Variants in NBPF26 observed in about 807,000 individuals in gnomAD.
NBPF26 encodes NBPF member 26, also known as NBPF family member NBPF26.
A neutral mutation model predicts 119.6 loss-of-function variants in NBPF26; 79 were observed. The ratio of observed to expected loss-of-function variants is 0.66; its 90% CI spans 0.55 to 0.80. NBPF26 has a LOEUF of 0.80. Among genes scored for constraint, NBPF26 ranks in the 30% least tolerant of loss-of-function variants. NBPF26 has a pLI of 0.00. For missense variants in NBPF26, 800 were observed against 1,198.2 expected (o/e 0.67, Z 4.91); for synonymous variants, 299 against 457.7 (o/e 0.65, Z 4.43).
In NBPF26 at chr1:120,805,606, G is replaced by A. The variant is rs1553269709; in HGVS notation, c.802G>A (p.Gly268Ser). 3.9e-5 allele frequency: 57 copies of A among 1,461,736 alleles called. 12 individuals are homozygous for A. The highest frequency in any genetic ancestry group is 3.8e-4 in the Admixed American group (21 of 54,778). The allele number at this position is 1,461,736 out of a possible 1,614,324, so 90.5% of individuals were successfully genotyped here. A position where few individuals can be genotyped will look rare whatever the true frequency, so the allele number is the denominator to read the frequency against. ...AAACGTCAGCATGGTGGTATCAGCC[G>A]GCCATTGGTCCAGTGAGAAGGCAGA... The change falls in exon 5 of 30, where the codon GGC (glycine) becomes AGC (serine). Residue 268 changes from glycine (G) to serine (S), a missense_variant. Transcript: ENST00000620612.
At chr1:120,809,967 G>T (rs1344113331) in intron 8 of NBPF26, 84 bp downstream of exon 8, 1 of 1,483,872 alleles carries the variant, frequency 6.7e-7, no homozygotes, top group East Asian at 2.2e-5. Context: ...CATCTATGGT[G>T]GGCCAAAAGC....
At position 120,825,276 on chromosome 1, in the gene NBPF26, C is replaced by A. The variant is rs1183892846; in HGVS notation, c.2812+1130C>A. ...ACCCCTTCATCTGTGTGTCACCCGGCCAATTCACTGAGCTCACTTTCTCCT... is the reference window on the plus strand; with the variant it reads ...ACCCCTTCATCTGTGTGTCACCCGGACAATTCACTGAGCTCACTTTCTCCT... On this transcript the variant is annotated intron_variant, in intron 18 of 29. Coordinates refer to ENST00000620612, the Ensembl canonical transcript of NBPF26. 8.2e-5 allele frequency among the ~76,000 whole-genome samples: 10 copies of A among 122,404 alleles called. No individual in the cohort carries two copies. The East Asian group carries it at 1.7e-3, about 20-fold the overall frequency. The allele number at this position is 122,404 out of a possible 152,430, so 80.3% of individuals were successfully genotyped here.
exon 18 of NBPF26, chr1:120,823,995 T>G (rs1471315858): frequency 1.2e-6 from 1 of 855,866 alleles, no homozygotes; most frequent in Non-Finnish European, 1.7e-6. Flanking sequence ...AGCTGCTGGA[T>G]GAGAAAGGGC....
rs1297427835 is a variant in NBPF26 at position 120,811,307 on chromosome 1, A to T, written c.1565-579A>T. On this transcript the variant is annotated intron_variant, in intron 9 of 29. Coordinates refer to ENST00000620612, the Ensembl canonical transcript of NBPF26. ...CACATCTTAATCCCAACACTTTGGG[A>T]GGCCGAGGTGGGCGGAACACCTGAG... Among the ~76,000 whole-genome samples the T allele has an allele frequency of 1.2e-4, 13 of 109,756 alleles. 4 individuals are homozygous for T. The East Asian group carries it at 2.8e-3, about 23-fold the overall frequency. The allele number at this position is 109,756 out of a possible 152,430, so 72.0% of individuals were successfully genotyped here.
At position 120,755,965 on chromosome 1, in the gene NBPF26, C is replaced by T. The variant is rs1424214588; in HGVS notation, c.74-7663C>T. On this transcript the variant is annotated intron_variant, in intron 1 of 29. Coordinates refer to ENST00000620612, the Ensembl canonical transcript of NBPF26. The stretch of plus-strand genomic sequence containing the variant: ...TTTTTTTTTTTTTTTTCCTTTCAAT[C>T]AAGACAAATTTCAAGGAGGAAGACA... 1.5e-4 allele frequency among the ~76,000 whole-genome samples: 15 copies of T among 102,162 alleles called. 3 individuals carry two copies. Among genetic ancestry groups the T allele is most frequent in the Non-Finnish European group, 2.5e-4 (14 of 55,674 alleles). 67.0% of individuals were successfully genotyped at this position (102,162 alleles called of 152,430 possible). A position where few individuals can be genotyped will look rare whatever the true frequency, so the allele number is the denominator to read the frequency against.
Position 120,805,808 on chromosome 1 carries a change from TC to T in NBPF26, c.961+45del, listed in dbSNP as rs1225097395. 3 of 1,265,838 alleles carry T rather than the reference TC, an allele frequency of 2.4e-6. 1 individual carries two copies. Among genetic ancestry groups the T allele is most frequent in the Admixed American group, 3.8e-5 (2 of 52,832 alleles). The allele number at this position is 1,265,838 out of a possible 1,614,324, so 78.4% of individuals were successfully genotyped here. A position where few individuals can be genotyped will look rare whatever the true frequency, so the allele number is the denominator to read the frequency against. The stretch of plus-strand genomic sequence containing the variant: ...ACCATCATGAAAGTGATGAATGATA[TC>T]CTGTCTTCTCTCTGAGACACTAAAT... On this transcript the variant is annotated intron_variant, in intron 5 of 29. Coordinates refer to ENST00000620612, the Ensembl canonical transcript of NBPF26.
intron 27 of NBPF26, among the ~76,000 whole-genome samples, chr1:120,838,542 G>C (rs1652450825): frequency 1.2e-5 from 1 of 82,320 alleles, no homozygotes; most frequent in South Asian, 5.4e-4. Context: ...GTGTGTGTGT[G>C]TGTGTCTATC....
chr1:120,806,844 A>G (rs1447452953), intron 5 of NBPF26, among the ~76,000 whole-genome samples: 1 of 121,436 alleles, frequency 8.2e-6, no homozygotes, highest in Non-Finnish European at 1.7e-5. Context: ...AGGGTACTAC[A>G]ATAATACCTA....
Position 120,811,964 on chromosome 1 carries a change from TA to T in NBPF26, c.1646del (p.Asn549ThrfsTer3). On this transcript the variant is annotated frameshift_variant, in exon 10 of 30. Transcript: ENST00000620612. LOFTEE classifies it high-confidence loss of function. ...CCTTTGTCCGGCGAGAAGGCAGCGATAAACATTCTAGAAATCAATGAGAAAT... is the reference window on the plus strand; with the variant it reads ...CCTTTGTCCGGCGAGAAGGCAGCGATAACATTCTAGAAATCAATGAGAAAT... The T allele has an allele frequency of 1.6e-6, 2 of 1,237,454 alleles. 1 individual carries two copies. Among genetic ancestry groups the T allele is most frequent in the Non-Finnish European group, 2.2e-6 (2 of 897,420 alleles). 76.7% of individuals were successfully genotyped at this position (1,237,454 alleles called of 1,614,324 possible).
Position 120,793,499 on chromosome 1 carries a change from A to G in NBPF26, c.751+3A>G. 1.6e-6 allele frequency: 2 copies of G among 1,243,468 alleles called. 1 individual carries two copies. Among genetic ancestry groups the G allele is most frequent in the Non-Finnish European group, 2.2e-6 (2 of 904,396 alleles). 77.0% of individuals were successfully genotyped at this position (1,243,468 alleles called of 1,614,324 possible). On this transcript the variant is annotated splice_donor_region_variant and intron_variant, in intron 4 of 29. Transcript: ENST00000620612. ...TTTTGAGTGCAACTGCCTTCCAGGTAAGGAGCTCCCTAGTGTCCCAGGATT... is the reference window on the plus strand; with the variant it reads ...TTTTGAGTGCAACTGCCTTCCAGGTGAGGAGCTCCCTAGTGTCCCAGGATT...
Position 120,765,202 on chromosome 1 carries a change from G to A in NBPF26, c.155+1493G>A, listed in dbSNP as rs1210525002. On this transcript the variant is annotated intron_variant, in intron 2 of 29. Coordinates refer to ENST00000620612, the Ensembl canonical transcript of NBPF26. ...ATGTGGTGCATTCTCCTCTAAGAAT[G>A]GAGATACAACTGGAGATAATAAGGG... is the stretch of plus-strand genomic sequence containing the variant. 1.5e-4 allele frequency among the ~76,000 whole-genome samples: 18 copies of A among 117,044 alleles called. 1 individual carries two copies. In the South Asian group the frequency reaches 4.6e-3, roughly 30 times the overall value. The allele number at this position is 117,044 out of a possible 152,430, so 76.8% of individuals were successfully genotyped here. A position where few individuals can be genotyped will look rare whatever the true frequency, so the allele number is the denominator to read the frequency against.
chr1:120,756,412 A>G (rs1327635532), intron 1 of NBPF26, among the ~76,000 whole-genome samples: 1 of 117,924 alleles, frequency 8.5e-6, no homozygotes, highest in Non-Finnish European at 1.6e-5. Context: ...CTCTTCATGT[A>G]TTTTAGGAGC....
At chr1:120,734,324 A>G (rs1212133388) in intron 1 of NBPF26, among the ~76,000 whole-genome samples, 1 of 36,168 alleles carries the variant, frequency 2.8e-5, no homozygotes, top group Non-Finnish European at 4.6e-5. Flanking sequence ...CTATTACCAT[A>G]TTTAGCATGA....
In NBPF26 at chr1:120,805,024, G is replaced by A. The variant is rs1349197442; in HGVS notation, c.752-532G>A. Among the ~76,000 whole-genome samples, 23 of 119,866 alleles carry A rather than the reference G, an allele frequency of 1.9e-4. 1 individual carries two copies. Among genetic ancestry groups the A allele is most frequent in the Non-Finnish European group, 3.1e-4 (19 of 60,382 alleles). The allele number at this position is 119,866 out of a possible 152,430, so 78.6% of individuals were successfully genotyped here. A position where few individuals can be genotyped will look rare whatever the true frequency, so the allele number is the denominator to read the frequency against. ...GACTACCATTAAGAAAATATAACCTGTTGGGAAACTGTTTCTGCCTTGATG... is the reference window on the plus strand; with the variant it reads ...GACTACCATTAAGAAAATATAACCTATTGGGAAACTGTTTCTGCCTTGATG... On this transcript the variant is annotated intron_variant, in intron 4 of 29. Coordinates refer to ENST00000620612, the Ensembl canonical transcript of NBPF26.
chr1:120,754,831 C>G (rs1360073163), intron 1 of NBPF26, among the ~76,000 whole-genome samples: 3 of 115,386 alleles, frequency 2.6e-5, no homozygotes, highest in Admixed American at 8.5e-5. Flanking sequence ...TACAATTCTA[C>G]TTTCTCAACT....
Position 120,823,752 on chromosome 1 carries a change from CTGTGTG to C in NBPF26, c.2640-188_2640-183del, listed in dbSNP as rs1177031452. On this transcript the variant is annotated intron_variant, in intron 17 of 29. Transcript: ENST00000620612. ...ACCTGACCAATTCACTGAGCTCGCT[CTGTGTG>C]TGTGTGTGTGTGTGTGTGTGTGTGT... is the stretch of plus-strand genomic sequence containing the variant. Among the ~76,000 whole-genome samples the C allele has an allele frequency of 4.3e-3, 318 of 73,360 alleles. 42 individuals carry two copies. Among genetic ancestry groups the C allele is most frequent in the East Asian group, 0.037 (139 of 3,764 alleles). The allele number at this position is 73,360 out of a possible 152,430, so 48.1% of individuals were successfully genotyped here. A position where few individuals can be genotyped will look rare whatever the true frequency, so the allele number is the denominator to read the frequency against.
intron 15 of NBPF26, among the ~76,000 whole-genome samples, chr1:120,819,237 C>T (rs1652079682): frequency 8.3e-6 from 1 of 119,810 alleles, no homozygotes; most frequent in Admixed American, 8.0e-5. Flanking sequence ...ATGTAGTGGC[C>T]TTCTTTGTCT....
In NBPF26 at chr1:120,805,772, T is replaced by A. The variant is rs1444714132; in HGVS notation, c.961+7T>A. On this transcript the variant is annotated splice_region_variant and intron_variant, in intron 5 of 29. Coordinates refer to ENST00000620612, the Ensembl canonical transcript of NBPF26. ...AACCGACAGAAGAAATACAGTAAGA[T>A]CTATAGGCTCACCATCATGAAAGTG... The A allele has an allele frequency of 1.6e-5, 22 of 1,371,558 alleles. 5 individuals carry two copies. The African/African-American group carries it at 4.5e-4, about 28-fold the overall frequency. 85.0% of individuals were successfully genotyped at this position (1,371,558 alleles called of 1,614,324 possible).
At chr1:120,728,004 A>G (rs1650834297) in intron 1 of NBPF26, among the ~76,000 whole-genome samples, 3 of 119,074 alleles carry the variant, frequency 2.5e-5, no homozygotes, top group East Asian at 2.1e-4. Flanking sequence ...TCTGATGTTC[A>G]TTGTTCATGG....
Sources: allele counts gnomAD v4.1 joint callset (sites outside exome capture counted in the v4.1 genomes callset), GRCh38; gene constraint gnomAD v4.1.1; transcripts MANE v1.5; gene names NCBI Gene and HGNC (gene_info 2026-07-23, HGNC 2026-07-21).